ADD1: variants seen among roughly 807,000 people sequenced by gnomAD.
ADD1 encodes alpha-adducin.
In ADD1, 24 loss-of-function variants were observed where a neutral mutation model predicts 80.5. The observed-to-expected ratio is 0.30, with a 90% CI of 0.22 to 0.42. ADD1 has a LOEUF of 0.42. Ranked by LOEUF, ADD1 falls within the 10% of genes least tolerant of loss-of-function variation. The pLI is 1.00. For missense variants in ADD1, 948 were observed against 1,019.0 expected (o/e 0.93, Z 0.95); for synonymous variants, 373 against 393.8 (o/e 0.95, Z 0.63).
intron 8 of ADD1, 61 bp downstream of exon 8, chr4:2,898,592 G>T (rs1169998703): frequency 2.0e-6 from 3 of 1,469,772 alleles, no homozygotes; most frequent in Non-Finnish European, 2.9e-6. Flanking sequence ...GGTTCACATA[G>T]ATTTTTTTTT....
chr4:2,866,653 A>G (rs1375964870), intron 1 of ADD1, among the ~76,000 whole-genome samples: 3 of 152,200 alleles, frequency 2.0e-5, no homozygotes, highest in Non-Finnish European at 2.9e-5. Context: ...GAGCCCCAGT[A>G]TGCCTGCTAG....
chr4:2,892,500 A>G lies in ADD1; in HGVS notation c.511-1513A>G, dbSNP rs1164306124. 3.9e-5 allele frequency among the ~76,000 whole-genome samples: 6 copies of G among 152,134 alleles called. No homozygotes were observed. In the South Asian group the frequency reaches 6.2e-4, roughly 16 times the overall value. On this transcript the variant is annotated intron_variant, in intron 4 of 15. Coordinates refer to ENST00000683351, the MANE Select transcript of ADD1 (RefSeq NM_001354761.2). ...AACATACTGTGGAAGAGGCAAACCA[A>G]TGAAGGCAATGAGGATGTGGTGTTG...
At chr4:2,857,741 G>A (rs532303413) in intron 1 of ADD1, among the ~76,000 whole-genome samples, 18 of 152,280 alleles carry the variant, frequency 1.2e-4, no homozygotes, top group African/African-American at 2.9e-4. Context: ...CAAAGTGCAC[G>A]GTTTGACAGC....
At chr4:2,920,335 G>A (rs1338834135) in intron 14 of ADD1, among the ~76,000 whole-genome samples, 2 of 152,212 alleles carry the variant, frequency 1.3e-5, no homozygotes, top group East Asian at 3.8e-4. Context: ...GAGTTCTGTA[G>A]ATGTCTGTTA....
chr4:2,923,626 C>G (rs1420902317), intron 14 of ADD1, among the ~76,000 whole-genome samples: 1 of 152,244 alleles, frequency 6.6e-6, no homozygotes, highest in Non-Finnish European at 1.5e-5. Flanking sequence ...TTTACGAACA[C>G]AGTATTTCTG....
chr4:2,889,599 A>G (rs974345874), intron 4 of ADD1, among the ~76,000 whole-genome samples: 1 of 151,882 alleles, frequency 6.6e-6, no homozygotes, highest in East Asian at 1.9e-4. Flanking sequence ...AGGTGGGTGG[A>G]TCACCTGACG....
At chr4:2,854,507 T>C (rs1163169305) in intron 1 of ADD1, among the ~76,000 whole-genome samples, 1 of 152,196 alleles carries the variant, frequency 6.6e-6, no homozygotes, top group African/African-American at 2.4e-5. Context: ...TATGGTAGAT[T>C]TGTCAGTTTC....
intron 1 of ADD1, among the ~76,000 whole-genome samples, chr4:2,864,778 C>T (rs1449353834): frequency 6.6e-6 from 1 of 152,126 alleles, no homozygotes; most frequent in Non-Finnish European, 1.5e-5. Context: ...TTATTGCTCT[C>T]AGTGATGCTT....
chr4:2,916,967 C>T (rs1277689515), intron 14 of ADD1, among the ~76,000 whole-genome samples: 2 of 152,108 alleles, frequency 1.3e-5, no homozygotes, highest in Non-Finnish European at 1.5e-5. Context: ...CCAACTCTTT[C>T]GTATTGTGCA....
intron 1 of ADD1, among the ~76,000 whole-genome samples, chr4:2,849,901 C>G (rs1298680032): frequency 1.3e-5 from 2 of 152,128 alleles, no homozygotes; most frequent in African/African-American, 4.8e-5. Context: ...TCACTTTTCT[C>G]CATCGGAAAA....
At chr4:2,892,249 T>C (rs1407593241) in intron 4 of ADD1, among the ~76,000 whole-genome samples, 1 of 152,200 alleles carries the variant, frequency 6.6e-6, no homozygotes, top group Non-Finnish European at 1.5e-5. Flanking sequence ...CAGCTCCAAC[T>C]GTCCGACCCT....
At chr4:2,909,021 C>T in intron 12 of ADD1, 1 of 458,892 alleles carries the variant, frequency 2.2e-6, no homozygotes, top group Non-Finnish European at 4.0e-6. Context: ...AAGTGTGGTG[C>T]ACATTTACAC....
chr4:2,893,178 C>G (rs1016537659), intron 4 of ADD1, among the ~76,000 whole-genome samples: 1 of 152,028 alleles, frequency 6.6e-6, no homozygotes, highest in Admixed American at 6.5e-5. Context: ...ATCCACCCAT[C>G]TTCGCCTCCC....
intron 14 of ADD1, among the ~76,000 whole-genome samples, chr4:2,923,724 A>C (rs1418688270): frequency 6.6e-6 from 1 of 152,272 alleles, no homozygotes; most frequent in Non-Finnish European, 1.5e-5. Flanking sequence ...TGTGCCGGGC[A>C]CATGCCCAGT....
chr4:2,884,705 A>G (rs1355573074), intron 4 of ADD1, 39 bp downstream of exon 4: 3 of 1,538,004 alleles, frequency 2.0e-6, no homozygotes, highest in East Asian at 2.3e-5. Flanking sequence ...CGATAAATGA[A>G]ATATTTTGTG....
chr4:2,850,232 T>C (rs1726858768), intron 1 of ADD1, among the ~76,000 whole-genome samples: 1 of 152,238 alleles, frequency 6.6e-6, no homozygotes, highest in South Asian at 2.1e-4. Flanking sequence ...CTTCATGATT[T>C]TACTTATGTG....
At chr4:2,902,567 C>T (rs957932400) in intron 9 of ADD1, 1 of 151,946 alleles carries the variant, frequency 6.6e-6, no homozygotes, top group Non-Finnish European at 1.5e-5. Flanking sequence ...GGTGAAACCC[C>T]TTCTCTACAA....
At chr4:2,922,270 G>A (rs1331001695) in intron 14 of ADD1, among the ~76,000 whole-genome samples, 1 of 152,124 alleles carries the variant, frequency 6.6e-6, no homozygotes, top group Admixed American at 6.6e-5. Context: ...CGTCTTTGTG[G>A]ATTTATCTAC....
At chr4:2,855,752 G>A (rs1727957689) in intron 1 of ADD1, among the ~76,000 whole-genome samples, 1 of 150,796 alleles carries the variant, frequency 6.6e-6, no homozygotes, top group Admixed American at 6.6e-5. Flanking sequence ...CCAGGCTGGA[G>A]TGCAGTGGCG....
Sources: gnomAD v4.1 joint callset for allele counts (sites outside exome capture counted in the v4.1 genomes callset) on GRCh38, gnomAD v4.1.1 for gene constraint, MANE v1.5 for transcripts, NCBI Gene and HGNC (gene_info 2026-07-23, HGNC 2026-07-21) for gene names.